LARGE1: variants seen among roughly 807,000 people sequenced by gnomAD.
The protein encoded by LARGE1 is xylosyl- and glucuronyltransferase LARGE1.
LARGE1 carries 43 observed loss-of-function variants against 87.6 expected under a neutral mutation model. The ratio of observed to expected loss-of-function variants is 0.49; its 90% CI spans 0.38 to 0.63. The LOEUF (loss-of-function observed/expected upper bound fraction) is 0.63. LARGE1 is among the 30% of genes least tolerant of loss of function. The pLI is 0.00. For synonymous variants in LARGE1, 434 were observed against 394.6 expected (o/e 1.10, Z -1.18); for missense variants, 802 against 1,000.2 (o/e 0.80, Z 2.67).
the LARGE1 span, among the ~76,000 whole-genome samples, chr22:33,124,543 C>T: frequency 6.6e-6 from 1 of 152,072 alleles, no homozygotes; most frequent in Non-Finnish European, 1.5e-5. Context: ...TGATCATTGC[C>T]TCTTGCTGTC....
At chr22:33,289,735 C>A (rs741980) in intron 12 of LARGE1, among the ~76,000 whole-genome samples, 2,315 of 152,194 alleles carry the variant, frequency 0.015, 35 homozygotes, top group South Asian at 0.052. Context: ...AGGTGTTGCT[C>A]ACAGAGTAAA....
intron 9 of LARGE1, among the ~76,000 whole-genome samples, chr22:33,373,168 GCAAT>G (rs1015005797): frequency 3.1e-4 from 47 of 152,086 alleles, no homozygotes; most frequent in African/African-American, 1.1e-3. Flanking sequence ...TAATTAGAAG[GCAAT>G]TATTTATAAG....
chr22:33,508,166 G>A (rs1170469131), intron 6 of LARGE1, among the ~76,000 whole-genome samples: 3 of 152,150 alleles, frequency 2.0e-5, no homozygotes, highest in African/African-American at 4.8e-5. Flanking sequence ...AATCTACACC[G>A]AACAACAGAA....
intron 2 of LARGE1, among the ~76,000 whole-genome samples, chr22:33,742,368 G>C (rs1244198959): frequency 2.0e-5 from 3 of 152,186 alleles, no homozygotes; most frequent in African/African-American, 7.2e-5. Flanking sequence ...TGATGTAGCT[G>C]TTCTTTTCTA....
the LARGE1 span, among the ~76,000 whole-genome samples, chr22:33,067,807 C>T: frequency 6.6e-6 from 1 of 152,124 alleles, no homozygotes; most frequent in East Asian, 1.9e-4. Context: ...AGTGAAACCC[C>T]GTCTCTACTA....
chr22:33,132,738 C>A, the LARGE1 span, among the ~76,000 whole-genome samples: 1 of 151,898 alleles, frequency 6.6e-6, no homozygotes, highest in Non-Finnish European at 1.5e-5. Flanking sequence ...ATGTGTCCAC[C>A]CTCCTCAAGT....
At chr22:33,349,406 A>G (rs1162374848) in intron 9 of LARGE1, among the ~76,000 whole-genome samples, 1 of 152,180 alleles carries the variant, frequency 6.6e-6, no homozygotes, top group Non-Finnish European at 1.5e-5. Flanking sequence ...TTGTGATGTG[A>G]ATCAAGTCTG....
intron 1 of LARGE1, among the ~76,000 whole-genome samples, chr22:33,869,859 C>A (rs560968690): frequency 1.3e-5 from 2 of 152,112 alleles, no homozygotes; most frequent in African/African-American, 4.8e-5. Flanking sequence ...CACAAAGGGC[C>A]GTCATCAGGA....
At chr22:33,507,533 C>A (rs976966295) in intron 6 of LARGE1, among the ~76,000 whole-genome samples, 1 of 152,050 alleles carries the variant, frequency 6.6e-6, no homozygotes, top group Non-Finnish European at 1.5e-5. Flanking sequence ...AGACTGGTGG[C>A]TACCAGAAGC....
chr22:33,636,036 G>C (rs1191779721), intron 3 of LARGE1, among the ~76,000 whole-genome samples: 1 of 152,132 alleles, frequency 6.6e-6, no homozygotes, highest in African/African-American at 2.4e-5. Context: ...GCACATAAAT[G>C]GATGATGAAT....
chr22:33,450,446 AC>A (rs1415915941), intron 6 of LARGE1, among the ~76,000 whole-genome samples: 14 of 118,874 alleles, frequency 1.2e-4, no homozygotes, highest in Middle Eastern at 3.8e-3. Flanking sequence ...TACTAAAAAT[AC>A]AAAAAAAAAA....
intron 5 of LARGE1, among the ~76,000 whole-genome samples, chr22:33,565,761 T>C (rs964950729): frequency 7.1e-6 from 1 of 140,934 alleles, no homozygotes; most frequent in Non-Finnish European, 1.6e-5. Flanking sequence ...CATGGAGCAC[T>C]GACATTATGA....
chr22:33,888,955 G>A (rs917208820), intron 1 of LARGE1, among the ~76,000 whole-genome samples: 1 of 152,182 alleles, frequency 6.6e-6, no homozygotes, highest in African/African-American at 2.4e-5. Context: ...TGGTTTTTGA[G>A]TAGCTTACTT....
intron 3 of LARGE1, among the ~76,000 whole-genome samples, chr22:33,639,646 C>T (rs1271420555): frequency 6.6e-6 from 1 of 152,182 alleles, no homozygotes. Flanking sequence ...AAAGGAAAGT[C>T]TCCTGTTCAG....
At chr22:33,527,650 T>A (rs1331370834) in intron 6 of LARGE1, among the ~76,000 whole-genome samples, 1 of 152,044 alleles carries the variant, frequency 6.6e-6, no homozygotes, top group Non-Finnish European at 1.5e-5. Flanking sequence ...CTCTACACCC[T>A]CTTTAGAGGG....
At chr22:33,461,493 A>C (rs1307148082) in intron 6 of LARGE1, among the ~76,000 whole-genome samples, 3 of 152,000 alleles carry the variant, frequency 2.0e-5, no homozygotes, top group Non-Finnish European at 4.4e-5. Context: ...AGGGAACATC[A>C]CACACTGGGG....
At chr22:33,805,954 A>T (rs1038487238) in intron 1 of LARGE1, among the ~76,000 whole-genome samples, 1 of 152,158 alleles carries the variant, frequency 6.6e-6, no homozygotes, top group Non-Finnish European at 1.5e-5. Context: ...TTCACATAAA[A>T]TAAAATGAGC....
chr22:33,910,806 A>T (rs978387738), intron 1 of LARGE1, among the ~76,000 whole-genome samples: 1 of 152,246 alleles, frequency 6.6e-6, no homozygotes, highest in South Asian at 2.1e-4. Flanking sequence ...CTCAAGTGGG[A>T]AAACAAGTGG....
chr22:33,418,529 GC>G (rs2066580888), intron 7 of LARGE1, among the ~76,000 whole-genome samples: 1 of 152,204 alleles, frequency 6.6e-6, no homozygotes, highest in Non-Finnish European at 1.5e-5. Context: ...GATGGAGACT[GC>G]CGCTTTGAAT....
Sources: gnomAD v4.1 joint callset for allele counts (sites outside exome capture counted in the v4.1 genomes callset) on GRCh38, gnomAD v4.1.1 for gene constraint, MANE v1.5 for transcripts, NCBI Gene and HGNC (gene_info 2026-07-23, HGNC 2026-07-21) for gene names.